DLGAP1: variants seen among roughly 807,000 people sequenced by gnomAD.
The protein encoded by DLGAP1 is DLG associated protein 1, also known as disks large-associated protein 1.
Under a neutral mutation model 90.8 loss-of-function variants are expected in DLGAP1, and 11 were observed. The ratio of observed to expected loss-of-function variants is 0.12; its 90% CI spans 0.08 to 0.20. The LOEUF is 0.20. Among genes scored for constraint, DLGAP1 ranks in the 10% least tolerant of loss-of-function variants. The pLI, the probability that DLGAP1 is intolerant of heterozygous loss-of-function variation, is 1.00. For synonymous variants in DLGAP1, 558 were observed against 540.7 expected (o/e 1.03, Z -0.44); for missense variants, 1,050 against 1,333.8 (o/e 0.79, Z 3.31).
intron 7 of DLGAP1, chr18:3,603,709 T>G (rs1419736071): frequency 3.2e-5 from 5 of 154,348 alleles, no homozygotes; most frequent in Non-Finnish European, 7.3e-5. Flanking sequence ...AAATGTACTT[T>G]AAATACTAGC....
At chr18:4,311,949 C>T (rs2080410379) in intron 1 of DLGAP1, among the ~76,000 whole-genome samples, 1 of 152,196 alleles carries the variant, frequency 6.6e-6, no homozygotes, top group Non-Finnish European at 1.5e-5. Flanking sequence ...CTCCTGACCT[C>T]AAGTGATCCG....
intron 2 of DLGAP1, among the ~76,000 whole-genome samples, chr18:4,016,824 T>G (rs1169689375): frequency 6.6e-6 from 1 of 152,208 alleles, no homozygotes; most frequent in African/African-American, 2.4e-5. Context: ...TCCTGTGTGA[T>G]CTCTGCAAAG....
chr18:3,499,277 C>A lies in DLGAP1; in HGVS notation c.2842G>T (p.Ala948Ser). 4 of 1,597,802 alleles carry A rather than the reference C, an allele frequency of 2.5e-6. No individual in the cohort carries two copies. Among genetic ancestry groups the A allele is most frequent in the Non-Finnish European group, 3.4e-6 (4 of 1,173,054 alleles). The change falls in exon 13 of 13, where the codon GCC becomes TCC. Residue 948 changes from alanine to serine, a missense_variant. Around this residue, in one of 2 missense-constraint regions of DLGAP1, gnomAD observed 565 missense variants for 879.7 expected, o/e 0.64. Coordinates refer to ENST00000315677, the MANE Select transcript of DLGAP1 (RefSeq NM_004746.4). This position sits in a 1 kb window ranked among gnomAD's most constrained non-coding sequence, Gnocchi z 6.4. Reference protein sequence around the residue: ...RQEARKRLMAAKRAASVRQNS... With the variant: ...RQEARKRLMASKRAASVRQNS... ...TGGCGGACGGACGCGGCGCGCTTGG[C>A]GGCCATCAGGCGCTTGCGGGCCTCC... is the stretch of plus-strand genomic sequence containing the variant.
At chr18:4,274,877 C>CTGACCA (rs1448623667) in intron 1 of DLGAP1, among the ~76,000 whole-genome samples, 1 of 152,106 alleles carries the variant, frequency 6.6e-6, no homozygotes, top group African/African-American at 2.4e-5. Context: ...AAAACCAGTC[C>CTGACCA]TGACCATGAA....
At chr18:3,697,820 A>C (rs2061145324) in intron 7 of DLGAP1, among the ~76,000 whole-genome samples, 1 of 152,150 alleles carries the variant, frequency 6.6e-6, no homozygotes, top group Admixed American at 6.5e-5. Context: ...TGGAAGCCTA[A>C]GTCTCTTTGT....
intron 1 of DLGAP1, among the ~76,000 whole-genome samples, chr18:4,367,730 T>C (rs1342811511): frequency 1.3e-5 from 2 of 151,990 alleles, no homozygotes; most frequent in African/African-American, 4.8e-5. Context: ...GCACCTGCAG[T>C]CCCAGCTACT....
intron 7 of DLGAP1, among the ~76,000 whole-genome samples, chr18:3,685,563 CAAAAAAAAAAAA>C (rs59737533): frequency 6.5e-5 from 5 of 76,606 alleles, no homozygotes; most frequent in Non-Finnish European, 4.9e-5. Flanking sequence ...GATTCCGTCT[CAAAAAAAAAAAA>C]AAAAAAAAAA....
chr18:4,439,945 C>T (rs1246037793), intron 1 of DLGAP1, among the ~76,000 whole-genome samples: 10 of 151,140 alleles, frequency 6.6e-5, no homozygotes, highest in Admixed American at 5.3e-4. Context: ...GGTGAAACCC[C>T]GTAGCTCTAC....
chr18:3,553,168 A>G (rs2053569517), intron 9 of DLGAP1, among the ~76,000 whole-genome samples: 1 of 152,188 alleles, frequency 6.6e-6, no homozygotes, highest in Non-Finnish European at 1.5e-5. Flanking sequence ...TGGTCCTCCT[A>G]TGAATTTGAG....
intron 1 of DLGAP1, among the ~76,000 whole-genome samples, chr18:4,283,375 A>C (rs550176421): frequency 6.6e-6 from 1 of 152,328 alleles, no homozygotes; most frequent in East Asian, 1.9e-4. Flanking sequence ...TATTTTAGGC[A>C]ATATTATGTA....
At chr18:4,388,407 G>A (rs1032546935) in intron 1 of DLGAP1, among the ~76,000 whole-genome samples, 2 of 152,086 alleles carry the variant, frequency 1.3e-5, no homozygotes, top group Non-Finnish European at 2.9e-5. Flanking sequence ...AGCTTGGAAC[G>A]CAGGAGACAT....
intron 1 of DLGAP1, among the ~76,000 whole-genome samples, chr18:4,209,289 G>C (rs1041376306): frequency 2.2e-4 from 34 of 152,082 alleles, no homozygotes; most frequent in African/African-American, 8.0e-4. Context: ...CATGCAAAGA[G>C]GCCAAAAGAG....
chr18:3,645,012 A>C (rs912374129), intron 7 of DLGAP1, among the ~76,000 whole-genome samples: 3 of 152,234 alleles, frequency 2.0e-5, no homozygotes, highest in African/African-American at 7.2e-5. Context: ...CTATGTAGAA[A>C]AAAGAAAATT....
chr18:4,282,235 G>A (rs1273418720), intron 1 of DLGAP1, among the ~76,000 whole-genome samples: 2 of 151,898 alleles, frequency 1.3e-5, no homozygotes, highest in Admixed American at 6.6e-5. Context: ...ATGGTGGTGG[G>A]CGCCTGTAGT....
At chr18:3,974,023 G>C (rs548995496) in intron 3 of DLGAP1, among the ~76,000 whole-genome samples, 2 of 152,120 alleles carry the variant, frequency 1.3e-5, no homozygotes, top group African/African-American at 4.8e-5. Context: ...ACCGTGGGAA[G>C]TATTTGTGTA....
chr18:4,167,718 T>C (rs2076954717), intron 1 of DLGAP1, among the ~76,000 whole-genome samples: 1 of 152,128 alleles, frequency 6.6e-6, no homozygotes, highest in Admixed American at 6.5e-5. Context: ...TATCCAACAA[T>C]AGCAGAGTAC....
In DLGAP1 at chr18:4,363,948, T is replaced by C. The variant is rs753868672; in HGVS notation, c.-267+91058A>G. ...TATAAATCATGCTGCTATAAAGACATATGCACACGTATGTTTATTGCGGCA... is the reference window on the plus strand; with the variant it reads ...TATAAATCATGCTGCTATAAAGACACATGCACACGTATGTTTATTGCGGCA... On this transcript the variant is annotated intron_variant, in intron 1 of 12. Coordinates refer to ENST00000315677, the MANE Select transcript of DLGAP1 (RefSeq NM_004746.4). 9.0e-3 allele frequency among the ~76,000 whole-genome samples: 1,365 copies of C among 151,442 alleles called. 10 individuals carry two copies. Among genetic ancestry groups the C allele is most frequent in the Non-Finnish European group, 0.014 (927 of 67,690 alleles).
chr18:4,008,943 G>A (rs985883193), intron 2 of DLGAP1, among the ~76,000 whole-genome samples: 4 of 151,882 alleles, frequency 2.6e-5, no homozygotes, highest in Admixed American at 2.6e-4. Flanking sequence ...TCGCTCCGTC[G>A]CCCAGGCTGG....
intron 3 of DLGAP1, chr18:3,983,570 A>C (rs1284916205): frequency 6.6e-6 from 1 of 152,208 alleles, no homozygotes; most frequent in Non-Finnish European, 1.5e-5. Flanking sequence ...AGGTTAAAAA[A>C]ATGCTTTATG....
Sources: gnomAD v4.1 joint callset for allele counts (sites outside exome capture counted in the v4.1 genomes callset) on GRCh38, gnomAD v4.1.1 for gene constraint, gnomAD v4.1.1 regional missense constraint, Gnocchi (gnomAD v3.1) non-coding constraint, MANE v1.5 for transcripts, NCBI Gene and HGNC (gene_info 2026-07-23, HGNC 2026-07-21) for gene names.